Variants in PCDHGA4 observed in about 807,000 individuals in gnomAD.
The protein encoded by PCDHGA4 is protocadherin gamma-A4.
In PCDHGA4, 38 loss-of-function variants were observed where a neutral mutation model predicts 54.6. The ratio of observed to expected loss-of-function variants is 0.70; its 90% CI spans 0.54 to 0.91. PCDHGA4 has a LOEUF of 0.91. Among genes scored for constraint, PCDHGA4 ranks in the 40% least tolerant of loss-of-function variants. PCDHGA4 has a pLI of 0.00. For synonymous variants in PCDHGA4, 511 were observed against 512.9 expected (o/e 1.00, Z 0.05); for missense variants, 1,298 against 1,220.9 (o/e 1.06, Z -0.94).
chr5:141,487,890 G>C lies in PCDHGA4; in HGVS notation c.2515-6917G>C. 3 of 745,430 alleles carry C rather than the reference G, an allele frequency of 4.0e-6. No homozygotes were observed. Among genetic ancestry groups the C allele is most frequent in the Non-Finnish European group, 6.5e-6 (3 of 462,522 alleles). The allele number at this position is 745,430 out of a possible 1,614,324, so 46.2% of individuals were successfully genotyped here. A position where few individuals can be genotyped will look rare whatever the true frequency, so the allele number is the denominator to read the frequency against. On this transcript the variant is annotated intron_variant, in intron 1 of 3. Coordinates refer to ENST00000571252, the MANE Select transcript of PCDHGA4 (RefSeq NM_018917.4). This position sits in a 1 kb window ranked among gnomAD's most constrained non-coding sequence, Gnocchi z 5.0. ...AAGAGCCAGGCTGTTGTGGAAGCAT[G>C]ATGATGGAATGTGGGAGCACAGGAG...
chr5:141,410,068 C>A, intron 1 of PCDHGA4: 1 of 1,612,950 alleles, frequency 6.2e-7, no homozygotes. Context: ...TGGGGCTGCG[C>A]ACTGGGGAGG....
In PCDHGA4 at chr5:141,476,501, A is replaced by G; in HGVS notation, c.2515-18306A>G. 1.2e-6 allele frequency: 2 copies of G among 1,614,026 alleles called. No homozygotes were observed. Among genetic ancestry groups the G allele is most frequent in the Non-Finnish European group, 1.7e-6 (2 of 1,180,006 alleles). On this transcript the variant is annotated intron_variant, in intron 1 of 3. Coordinates refer to ENST00000571252, the MANE Select transcript of PCDHGA4 (RefSeq NM_018917.4). The surrounding 1 kb of genome is among the most constrained non-coding windows in gnomAD (Gnocchi z 7.6). ...CGTGGAAGTGGTGATCCAGGACATCAACGACAACAATCCTGCTTTCCCTAC... is the reference window on the plus strand; with the variant it reads ...CGTGGAAGTGGTGATCCAGGACATCGACGACAACAATCCTGCTTTCCCTAC...
At chr5:141,370,428 G>A in intron 1 of PCDHGA4, 1 of 1,598,310 alleles carries the variant, frequency 6.3e-7, no homozygotes, top group Non-Finnish European at 8.5e-7. Context: ...GGGCCCAGCA[G>A]GGCAGAGGCG....
chr5:141,432,649 A>C lies in PCDHGA4; in HGVS notation c.2515-62158A>C, dbSNP rs769351399. The C allele has an allele frequency of 5.6e-6, 9 of 1,613,742 alleles. No individual in the cohort carries two copies. The highest frequency in any genetic ancestry group is 6.8e-6 in the Non-Finnish European group (8 of 1,179,918). ...ACACGGGCGAGGTGCGCACGGCGCG[A>C]GCCCTGCTGGACAGAGACGCGCTCA... is the stretch of plus-strand genomic sequence containing the variant. On this transcript the variant is annotated intron_variant, in intron 1 of 3. Transcript: ENST00000571252. This position sits in a 1 kb window ranked among gnomAD's most constrained non-coding sequence, Gnocchi z 6.0.
intron 1 of PCDHGA4, chr5:141,408,314 C>A (rs1408322838): frequency 1.2e-6 from 2 of 1,613,846 alleles, no homozygotes; most frequent in Admixed American, 3.3e-5. Context: ...CTACTCGATT[C>A]CGGAGGAGCT....
intron 1 of PCDHGA4, among the ~76,000 whole-genome samples, chr5:141,449,974 A>T (rs2098661108): frequency 6.6e-6 from 1 of 151,260 alleles, no homozygotes; most frequent in African/African-American, 2.4e-5. Context: ...TTTAGTCCAA[A>T]ATATCACACA....
chr5:141,388,430 TAAAG>T (rs2091357990), intron 1 of PCDHGA4: 1 of 1,613,634 alleles, frequency 6.2e-7, no homozygotes, highest in South Asian at 1.1e-5. Context: ...CACTGATAAA[TAAAG>T]AGAAATCAGA....
chr5:141,480,077 C>T (rs767048249), intron 1 of PCDHGA4, among the ~76,000 whole-genome samples: 2 of 152,142 alleles, frequency 1.3e-5, no homozygotes, highest in Non-Finnish European at 2.9e-5. Flanking sequence ...AAGATTCATG[C>T]ATGATATAAT....
chr5:141,427,832 T>C, intron 1 of PCDHGA4: 1 of 1,540,264 alleles, frequency 6.5e-7, no homozygotes, highest in Non-Finnish European at 8.9e-7. Flanking sequence ...TCGCGCAGCG[T>C]GCCTTCGACC....
At position 141,511,036 on chromosome 5, in the gene PCDHGA4, G is replaced by A. The variant is rs116366286; in HGVS notation, c.2752G>A (p.Val918Met). ...CGGACCCCAGTTCACCCTGCAGCAC[G>A]TGCCCGACTACCGCCAGAATGTCTA... is the stretch of plus-strand genomic sequence containing the variant. ...RYGPQFTLQH[V>M]PDYRQNVYIP... is the part of the protein sequence containing the mutation. Residue 918 changes from valine to methionine, a missense_variant, in exon 4 of 4, where the codon GTG becomes ATG. Physicochemically the swap from Val to Met is conservative, Grantham distance 21. Transcript: ENST00000571252. 5.5e-5 allele frequency: 89 copies of A among 1,614,198 alleles called. No individual in the cohort carries two copies. The highest frequency in any genetic ancestry group is 1.6e-4 in the Middle Eastern group (1 of 6,062).
intron 1 of PCDHGA4, chr5:141,362,040 G>A (rs760170186): frequency 3.1e-6 from 5 of 1,610,444 alleles, no homozygotes; most frequent in Non-Finnish European, 3.4e-6. Flanking sequence ...TGGGCGACAG[G>A]GACGCGGCCC....
intron 1 of PCDHGA4, chr5:141,372,255 C>CTGCGCACGGGTGAGG: frequency 1.2e-6 from 2 of 1,613,136 alleles, no homozygotes; most frequent in East Asian, 2.2e-5. Flanking sequence ...CAGCCTGGGC[C>CTGCGCACGGGTGAGG]TGCGCACGGG....
At position 141,491,448 on chromosome 5, in the gene PCDHGA4, A is replaced by G; in HGVS notation, c.2515-3359A>G. ...GGCAGTGCTGCAGGCGCCAGGACTC[A>G]CCCTCCCCGGACTTCTATAAGCAGT... On this transcript the variant is annotated intron_variant, in intron 1 of 3. Coordinates refer to ENST00000571252, the MANE Select transcript of PCDHGA4 (RefSeq NM_018917.4). The surrounding 1 kb of genome is among the most constrained non-coding windows in gnomAD (Gnocchi z 6.9). The G allele has an allele frequency of 6.2e-7, 1 of 1,613,792 alleles. No homozygotes were observed. The highest frequency in any genetic ancestry group is 8.5e-7 in the Non-Finnish European group (1 of 1,179,986).
intron 1 of PCDHGA4, chr5:141,364,748 G>A: frequency 1.2e-6 from 2 of 1,613,978 alleles, no homozygotes; most frequent in South Asian, 1.1e-5. Flanking sequence ...AGAGTTAAAA[G>A]TAAAAGTTAA....
chr5:141,421,854 C>CCTG (rs761444125), intron 1 of PCDHGA4: 2 of 1,613,762 alleles, frequency 1.2e-6, no homozygotes, highest in Non-Finnish European at 1.7e-6. Flanking sequence ...AGGCTGCTCA[C>CCTG]CTGCTCCTCC....
chr5:141,483,588 A>G (rs2099583207), intron 1 of PCDHGA4, among the ~76,000 whole-genome samples: 1 of 152,112 alleles, frequency 6.6e-6, no homozygotes, highest in African/African-American at 2.4e-5. Flanking sequence ...AACACCTAAT[A>G]GGTCAGGCTG....
chr5:141,415,883 G>A (rs2095968409), intron 1 of PCDHGA4: 1 of 983,982 alleles, frequency 1.0e-6, no homozygotes, highest in African/African-American at 1.7e-5. Context: ...GTACAATATT[G>A]ACAATTCCTA....
At chr5:141,422,229 G>C in intron 1 of PCDHGA4, 4 of 1,565,880 alleles carry the variant, frequency 2.6e-6, no homozygotes, top group Non-Finnish European at 3.4e-6. Flanking sequence ...CCACGACGAT[G>C]TTGATCACTG....
chr5:141,500,394 A>G (rs1024641290), intron 2 of PCDHGA4, among the ~76,000 whole-genome samples: 1 of 151,922 alleles, frequency 6.6e-6, no homozygotes, highest in Non-Finnish European at 1.5e-5. Flanking sequence ...TATTTTTAGT[A>G]GAGACGGGGT....
Sources: gnomAD v4.1 joint callset for allele counts (sites outside exome capture counted in the v4.1 genomes callset) on GRCh38, gnomAD v4.1.1 for gene constraint, Gnocchi (gnomAD v3.1) non-coding constraint, MANE v1.5 for transcripts, NCBI Gene and HGNC (gene_info 2026-07-23, HGNC 2026-07-21) for gene names.